The following CPZ variants were observed in gnomAD, a reference collection of about 807,000 sequenced individuals.
CPZ encodes the protein carboxypeptidase Z, also known as VEZT/CPZ fusion.
Under a neutral mutation model 61.8 loss-of-function variants are expected in CPZ, and 103 were observed. The ratio of observed to expected loss-of-function variants is 1.67; its 90% CI spans 1.42 to 1.96. The LOEUF is 1.96. Ranked by LOEUF, CPZ falls within the 30% of genes most tolerant of loss-of-function variation. The pLI is 0.00. For missense variants in CPZ, 1,461 were observed against 914.9 expected (o/e 1.60, Z -7.70); for synonymous variants, 551 against 373.7 (o/e 1.47, Z -5.47).
rs376032947 is a variant in CPZ at position 8,599,449 on chromosome 4, C to A, written c.89-4C>A. On this transcript the variant is annotated splice_region_variant and splice_polypyrimidine_tract_variant and intron_variant, in intron 1 of 10. Transcript: ENST00000360986. ...CCCTAACAGTGCCATGTCTCTCTTT[C>A]CAGGTGAATGCCACAGGCCACCAGC... 3.2e-5 allele frequency: 51 copies of A among 1,608,920 alleles called. No homozygotes were observed. The highest frequency in any genetic ancestry group is 4.3e-5 in the Non-Finnish European group (51 of 1,177,062).
intron 2 of CPZ, among the ~76,000 whole-genome samples, chr4:8,600,355 T>C (rs1377324339): frequency 6.6e-6 from 1 of 152,158 alleles, no homozygotes; most frequent in African/African-American, 2.4e-5. Context: ...CGTGGCAAAA[T>C]GTCATGACTT....
At position 8,606,820 on chromosome 4, in the gene CPZ, C is replaced by G; in HGVS notation, c.990C>G (p.Ser330=). ...DLNRNFPDLT[S]EYYRLAETRG... ...ACCGAAATTTCCCGGACCTGACGTC[C>G]GAGTACTACCGGCTGGCGGAGACCC... The change falls in exon 6 of 11, where the codon TCC becomes TCG. Residue 330 remains serine (S), a synonymous_variant. Coordinates refer to ENST00000360986, the MANE Select transcript of CPZ (RefSeq NM_001014447.3). The G allele has an allele frequency of 6.2e-7, 1 of 1,614,052 alleles. No individual in the cohort carries two copies. Among genetic ancestry groups the G allele is most frequent in the Non-Finnish European group, 8.5e-7 (1 of 1,179,990 alleles).
chr4:8,592,942 C>T, intron 1 of CPZ, 21 bp downstream of exon 1: 3 of 1,468,506 alleles, frequency 2.0e-6, no homozygotes, highest in Non-Finnish European at 2.8e-6. Context: ...CCCCTGCCCC[C>T]ACCCTCCACC....
intron 10 of CPZ, among the ~76,000 whole-genome samples, chr4:8,619,042 G>A (rs951287425): frequency 3.3e-5 from 5 of 152,222 alleles, no homozygotes; most frequent in Non-Finnish European, 7.4e-5. Flanking sequence ...GGTCATCGAA[G>A]GTTTCAGAGA....
intron 9 of CPZ, among the ~76,000 whole-genome samples, chr4:8,617,029 G>C (rs1049095316): frequency 1.3e-5 from 2 of 152,198 alleles, no homozygotes; most frequent in African/African-American, 4.8e-5. Flanking sequence ...GCTTTGTGGA[G>C]CTAGACTGGG....
chr4:8,592,916 C>T lies in CPZ; in HGVS notation c.83C>T (p.Pro28Leu), dbSNP rs1427087950. 2.6e-6 allele frequency: 4 copies of T among 1,535,982 alleles called. No individual in the cohort carries two copies. Among genetic ancestry groups the T allele is most frequent in the Non-Finnish European group, 3.5e-6 (4 of 1,144,372 alleles). ...ARPGCEFERNPAGECHRPPAA... is the reference protein window; with the variant it reads ...ARPGCEFERNLAGECHRPPAA... Reference sequence around the variant, plus strand: ...CCGGGGTGCGAGTTTGAGCGGAACCCCGCCGGTAAGGCCGTCCCCTGCCCC... The same window carrying T: ...CCGGGGTGCGAGTTTGAGCGGAACCTCGCCGGTAAGGCCGTCCCCTGCCCC... The change falls in exon 1 of 11, where the codon CCC (proline) becomes CTC (leucine). Residue 28 changes from proline (P) to leucine (L), a missense_variant. Pro to Leu is a moderately conservative substitution (Grantham distance 98). Coordinates refer to ENST00000360986, the MANE Select transcript of CPZ (RefSeq NM_001014447.3).
chr4:8,595,199 G>A (rs769295747), intron 1 of CPZ, among the ~76,000 whole-genome samples: 11 of 152,178 alleles, frequency 7.2e-5, no homozygotes, highest in East Asian at 1.9e-4. Flanking sequence ...TTCACACATC[G>A]CACACATTGG....
At chr4:8,597,930 G>A (rs76319753) in intron 1 of CPZ, among the ~76,000 whole-genome samples, 28,097 of 152,232 alleles carry the variant, frequency 0.18, 3,259 homozygotes, top group Non-Finnish European at 0.25. Flanking sequence ...GTGGCGGTTG[G>A]CACCTGGGCC....
chr4:8,601,397 C>A lies in CPZ; in HGVS notation c.396C>A (p.Ala132=). 1 of 1,592,492 alleles carries A rather than the reference C, an allele frequency of 6.3e-7. No homozygotes were observed. Among genetic ancestry groups the A allele is most frequent in the Admixed American group, 1.7e-5 (1 of 58,512 alleles). ...CEGLREVCQP[A]FDAIDMAWPY... Reference sequence around the variant, plus strand: ...GCCTGCGGGAGGTCTGCCAGCCCGCCTTCGACGCCATTGACATGGCCTGGC... The same window carrying A: ...GCCTGCGGGAGGTCTGCCAGCCCGCATTCGACGCCATTGACATGGCCTGGC... The change falls in exon 3 of 11, where the codon GCC becomes GCA. Residue 132 remains alanine, a synonymous_variant. Transcript: ENST00000360986.
chr4:8,616,496 A>G (rs1716176336), intron 9 of CPZ, among the ~76,000 whole-genome samples: 1 of 152,190 alleles, frequency 6.6e-6, no homozygotes, highest in African/African-American at 2.4e-5. Context: ...GGGCTGGCAG[A>G]GAGGAAGACT....
At chr4:8,600,375 G>A (rs1456195868) in intron 2 of CPZ, among the ~76,000 whole-genome samples, 1 of 152,168 alleles carries the variant, frequency 6.6e-6, no homozygotes, top group Non-Finnish European at 1.5e-5. Context: ...TGTCCTATGC[G>A]ATGCCACATC....
At chr4:8,609,050 C>CA (rs1491140872) in intron 7 of CPZ, among the ~76,000 whole-genome samples, 1 of 88,540 alleles carries the variant, frequency 1.1e-5, no homozygotes, top group African/African-American at 3.1e-5. Flanking sequence ...TTCACTCCCT[C>CA]CCTCCCTCAC....
intron 8 of CPZ, 25 bp downstream of exon 8, chr4:8,612,187 G>T (rs531371583): frequency 4.1e-6 from 2 of 492,688 alleles, no homozygotes; most frequent in Non-Finnish European, 3.2e-6. Context: ...GGGCGGGACT[G>T]GGCGGGGGGT....
chr4:8,599,560 C>G, intron 2 of CPZ, 75 bp downstream of exon 2: 1 of 1,591,918 alleles, frequency 6.3e-7, no homozygotes, highest in Non-Finnish European at 8.6e-7. Context: ...GCACTTTAGG[C>G]AGCTGAATCC....
intron 9 of CPZ, chr4:8,618,016 C>T (rs564401005): frequency 4.8e-5 from 12 of 247,704 alleles, no homozygotes; most frequent in East Asian, 3.0e-4. Flanking sequence ...GCACTGTCCT[C>T]GTCCTCTCCC....
chr4:8,599,407 A>C (rs1408261583), intron 1 of CPZ, 46 bp from the exon 2 acceptor site: 2 of 1,560,894 alleles, frequency 1.3e-6, no homozygotes, highest in East Asian at 4.6e-5. Context: ...CGGTGAGTGA[A>C]GGATGGCGAG....
chr4:8,612,444 G>C (rs1715792131), intron 8 of CPZ, among the ~76,000 whole-genome samples: 1 of 152,310 alleles, frequency 6.6e-6, no homozygotes, highest in Middle Eastern at 3.4e-3. Context: ...CAATACCTTT[G>C]TGACATTAGG....
intron 7 of CPZ, among the ~76,000 whole-genome samples, chr4:8,607,768 G>A (rs564001942): frequency 2.0e-5 from 3 of 152,280 alleles, no homozygotes; most frequent in African/African-American, 4.8e-5. Context: ...GCTTCCCACC[G>A]CAGAGGGGTG....
intron 9 of CPZ, among the ~76,000 whole-genome samples, chr4:8,615,965 ATTC>A (rs1297212693): frequency 6.6e-6 from 1 of 152,174 alleles, no homozygotes; most frequent in Non-Finnish European, 1.5e-5. Flanking sequence ...GGCGAGTCCC[ATTC>A]TTCTATGAGC....
Sources: allele counts gnomAD v4.1 joint callset (sites outside exome capture counted in the v4.1 genomes callset), GRCh38; gene constraint gnomAD v4.1.1; transcripts MANE v1.5; gene names NCBI Gene and HGNC (gene_info 2026-07-23, HGNC 2026-07-21).